Variants in PRRG2 observed in about 807,000 individuals in gnomAD.
PRRG2 encodes transmembrane gamma-carboxyglutamic acid protein 2.
Under a neutral mutation model 27.1 loss-of-function variants are expected in PRRG2, and 23 were observed. The ratio of observed to expected loss-of-function variants is 0.85; its 90% confidence interval spans 0.61 to 1.20. The LOEUF is 1.20. Among genes scored for constraint, PRRG2 ranks in the 50% most tolerant of loss-of-function variants. The pLI, the probability that PRRG2 is intolerant of heterozygous loss-of-function variation, is 0.00. For synonymous variants in PRRG2, 104 were observed against 103.4 expected (o/e 1.01, Z -0.03); for missense variants, 276 against 254.8 (o/e 1.08, Z -0.57).
intron 6 of PRRG2, 96 bp downstream of exon 6, chr19:49,590,148 C>T: frequency 7.2e-7 from 1 of 1,387,672 alleles, no homozygotes; most frequent in Middle Eastern, 2.5e-4. Flanking sequence ...GAATTTGGGC[C>T]TTCTTACCTG....
At chr19:49,584,088 C>A (rs1247099681) in intron 4 of PRRG2, 136 bp downstream of exon 4, 3 of 896,028 alleles carry the variant, frequency 3.3e-6, no homozygotes, top group African/African-American at 1.7e-5. Context: ...CTGAAGCTGG[C>A]TGCTAAAGGA....
intron 4 of PRRG2, among the ~76,000 whole-genome samples, chr19:49,584,300 A>G (rs947028916): frequency 4.0e-5 from 6 of 151,050 alleles, no homozygotes. Flanking sequence ...CCTCCCGAGT[A>G]GCTGGGACTA....
chr19:49,583,889 C>T (rs1245596523), intron 3 of PRRG2, 24 bp from the exon 4 acceptor site: 1 of 1,613,320 alleles, frequency 6.2e-7, no homozygotes, highest in East Asian at 2.2e-5. Context: ...TTTTCCCCTT[C>T]TTTTCCACTC....
At chr19:49,583,392 G>C in intron 2 of PRRG2, 88 bp downstream of exon 2, 1 of 1,534,484 alleles carries the variant, frequency 6.5e-7, no homozygotes, top group South Asian at 1.2e-5. Flanking sequence ...TCTTCCAGGA[G>C]TCCAGGACCC....
Position 49,589,963 on chromosome 19 carries a change from A to G in PRRG2, c.501A>G (p.Pro167=). The G allele has an allele frequency of 2.0e-6, 3 of 1,474,864 alleles. No homozygotes were observed. The highest frequency in any genetic ancestry group is 2.7e-6 in the Non-Finnish European group (3 of 1,093,262). The allele number at this position is 1,474,864 out of a possible 1,614,324, so 91.4% of individuals were successfully genotyped here. ...NPLGPPTPLP[P]PPPPPPGLPT... is the part of the protein sequence containing the mutation. ...TGGGCCCACCGACGCCCCTGCCTCC[A>G]CCCCCACCCCCACCCCCAGGCCTCC... The change falls in exon 6 of 7, where the codon CCA becomes CCG. Residue 167 remains proline, a synonymous_variant. Transcript: ENST00000246794.
intron 4 of PRRG2, among the ~76,000 whole-genome samples, chr19:49,587,594 G>A (rs370521920): frequency 2.7e-5 from 4 of 147,702 alleles, no homozygotes; most frequent in African/African-American, 1.0e-4. Context: ...CAAGTCATTC[G>A]CCTGCCTCAG....
intron 6 of PRRG2, 73 bp downstream of exon 6, chr19:49,590,125 G>A: frequency 7.0e-7 from 1 of 1,432,206 alleles, no homozygotes; most frequent in Non-Finnish European, 9.2e-7. Flanking sequence ...CCTGGGCTCA[G>A]GGGCGGGACT....
chr19:49,588,407 C>A, intron 4 of PRRG2, 90 bp from the exon 5 acceptor site: 1 of 1,507,072 alleles, frequency 6.6e-7, no homozygotes, highest in Non-Finnish European at 8.8e-7. Flanking sequence ...GCTTCCGGGT[C>A]CATTCTCTTC....
Position 49,583,711 on chromosome 19 carries a change from T to C in PRRG2, c.255T>C (p.Thr85=), listed in dbSNP as rs367987277. Residue 85 remains threonine, a synonymous_variant, in exon 3 of 7, where the codon ACT becomes ACC. Transcript: ENST00000246794. ...EEAREYFEDN[T]LTERFWESYI... is the part of the protein sequence containing the mutation. ...CCAGGGAGTATTTTGAGGACAACAC[T>C]CTCACGGTGAGGGCCTCGAGACCCT... The C allele has an allele frequency of 7.4e-6, 12 of 1,613,724 alleles. No homozygotes were observed. Among genetic ancestry groups the C allele is most frequent in the African/African-American group, 1.3e-5 (1 of 74,892 alleles).
At position 49,581,434 on chromosome 19, in the gene PRRG2, G is replaced by C. The variant is rs1337103479; in HGVS notation, c.-61G>C. ...TTCACAGCTGGCTGTAGCTGGCCAAGGAGTTCTCGATTAAAGAGGAAGGGG... is the reference window on the plus strand; with the variant it reads ...TTCACAGCTGGCTGTAGCTGGCCAACGAGTTCTCGATTAAAGAGGAAGGGG... On this transcript the variant is annotated 5_prime_UTR_variant, in exon 1 of 7. Transcript: ENST00000246794. The C allele has an allele frequency of 6.6e-6, 1 of 152,266 alleles. No homozygotes were observed. Among genetic ancestry groups the C allele is most frequent in the Non-Finnish European group, 1.5e-5 (1 of 68,134 alleles). 9.4% of individuals were successfully genotyped at this position (152,266 alleles called of 1,614,324 possible).
At position 49,583,628 on chromosome 19, in the gene PRRG2, C is replaced by T. The variant is rs2080645731; in HGVS notation, c.172C>T (p.Leu58Phe). ...AGCCAACCACTGGGACCTGGAGCTG[C>T]TCACACCAGGGAACCTGGAACGGGA... ...PRANHWDLEL[L>F]TPGNLERECL... Residue 58 changes from leucine (L) to phenylalanine (F), a missense_variant, in exon 3 of 7, where the codon CTC becomes TTC. Physicochemically the swap from Leu to Phe is conservative, Grantham distance 22. Coordinates refer to ENST00000246794, the MANE Select transcript of PRRG2 (RefSeq NM_000951.3). 6.2e-7 allele frequency: 1 copy of T among 1,614,224 alleles called. No homozygotes were observed. Among genetic ancestry groups the T allele is most frequent in the Non-Finnish European group, 8.5e-7 (1 of 1,180,048 alleles).
At chr19:49,586,881 C>T (rs1396355512) in intron 4 of PRRG2, among the ~76,000 whole-genome samples, 4 of 151,808 alleles carry the variant, frequency 2.6e-5, no homozygotes, top group African/African-American at 9.7e-5. Flanking sequence ...ATTTTTTCCC[C>T]AGGCTCAGTG....
At position 49,590,747 on chromosome 19, in the gene PRRG2, C is replaced by G; in HGVS notation, c.*358C>G. The G allele has an allele frequency of 2.9e-6, 1 of 343,704 alleles. No homozygotes were observed. Among genetic ancestry groups the G allele is most frequent in the South Asian group, 3.0e-5 (1 of 33,214 alleles). The allele number at this position is 343,704 out of a possible 1,614,324, so 21.3% of individuals were successfully genotyped here. A position where few individuals can be genotyped will look rare whatever the true frequency, so the allele number is the denominator to read the frequency against. ...TGGGCAGATATGACCTGACAGCCCC[C>G]TCCAGTGCCACAGGGTACGCACACG... is the stretch of plus-strand genomic sequence containing the variant. On this transcript the variant is annotated 3_prime_UTR_variant, in exon 7 of 7. Transcript: ENST00000246794.
chr19:49,589,281 C>T (rs1000861328), intron 5 of PRRG2, among the ~76,000 whole-genome samples: 1 of 151,942 alleles, frequency 6.6e-6, no homozygotes, highest in Non-Finnish European at 1.5e-5. Context: ...GCGCACTCCA[C>T]TACGCCCAGC....
chr19:49,584,205 C>G (rs2080651391), intron 4 of PRRG2, among the ~76,000 whole-genome samples: 1 of 148,858 alleles, frequency 6.7e-6, no homozygotes, highest in South Asian at 2.1e-4. Flanking sequence ...GAGTCTCGCT[C>G]TGTTGCCCAG....
rs570039014 is a variant in PRRG2 at position 49,585,136 on chromosome 19, C to T, written c.301+1184C>T. On this transcript the variant is annotated intron_variant, in intron 4 of 6. Coordinates refer to ENST00000246794, the MANE Select transcript of PRRG2 (RefSeq NM_000951.3). ...CGAAGAAGCCTGAAGCAGTACCTGG[C>T]TGATTTCCCCTCCCCCACAGCCCCA... is the stretch of plus-strand genomic sequence containing the variant. Among the ~76,000 whole-genome samples, 20 of 152,302 alleles carry T rather than the reference C, an allele frequency of 1.3e-4. No homozygotes were observed. In the East Asian group the frequency reaches 3.3e-3, roughly 25 times the overall value.
At chr19:49,580,940 A>G (rs899591084), upstream of PRRG2, among the ~76,000 whole-genome samples, 4 of 152,148 alleles carry the variant, frequency 2.6e-5, no homozygotes, top group African/African-American at 9.7e-5. Flanking sequence ...AGAAGAGACA[A>G]CTACGCTCCC....
intron 4 of PRRG2, among the ~76,000 whole-genome samples, chr19:49,587,411 C>G (rs1208649838): frequency 6.8e-6 from 1 of 147,718 alleles, no homozygotes; most frequent in Non-Finnish European, 1.5e-5. Context: ...CTCCCCGGCT[C>G]AAGCGATCCT....
At chr19:49,582,797 G>A (rs2080637615) in intron 1 of PRRG2, among the ~76,000 whole-genome samples, 2 of 152,086 alleles carry the variant, frequency 1.3e-5, no homozygotes, top group South Asian at 4.1e-4. Flanking sequence ...GAACCTGGGG[G>A]GTGGAGTGTG....
Sources: allele counts gnomAD v4.1 joint callset (sites outside exome capture counted in the v4.1 genomes callset), GRCh38; gene constraint gnomAD v4.1.1; transcripts MANE v1.5; gene names NCBI Gene and HGNC (gene_info 2026-07-23, HGNC 2026-07-21).